Variants in REM1 observed in about 807,000 individuals in gnomAD.
REM1 encodes RRAD and GEM like GTPase 1.
In REM1, 20 loss-of-function variants were observed where a neutral mutation model predicts 27.0. The observed-to-expected ratio is 0.74, with a 90% CI of 0.52 to 1.08. The LOEUF (loss-of-function observed/expected upper bound fraction) is 1.08. REM1 is among the 50% of genes least tolerant of loss of function. The pLI, the probability that REM1 is intolerant of heterozygous loss-of-function variation, is 0.00. For missense variants in REM1, 405 were observed against 407.0 expected (o/e 1.00, Z 0.04); for synonymous variants, 159 against 167.9 (o/e 0.95, Z 0.41).
In REM1 at chr20:31,484,311, C is replaced by T. The variant is rs762832950; in HGVS notation, c.778C>T (p.Arg260Trp). The part of the protein sequence containing the change: ...SAAKEPPAPR[R>W]PASLAQRARR... ...GGCCAAGGAACCCCCAGCACCCCGACGGCCGGCCAGCCTAGCCCAGCGCGC... is the reference window on the plus strand; with the variant it reads ...GGCCAAGGAACCCCCAGCACCCCGATGGCCGGCCAGCCTAGCCCAGCGCGC... Residue 260 changes from arginine to tryptophan, a missense_variant, in exon 5 of 5, where the codon CGG becomes TGG. Physicochemically the swap from Arg to Trp is moderately radical, Grantham distance 101 (BLOSUM62 -3). Coordinates refer to ENST00000201979, the MANE Select transcript of REM1 (RefSeq NM_014012.6). 4.0e-5 allele frequency: 63 copies of T among 1,577,704 alleles called. No homozygotes were observed. The highest frequency in any genetic ancestry group is 5.2e-5 in the Non-Finnish European group (61 of 1,162,938).
intron 3 of REM1, among the ~76,000 whole-genome samples, chr20:31,479,294 C>T (rs1194423360): frequency 6.6e-6 from 1 of 152,168 alleles, no homozygotes; most frequent in Non-Finnish European, 1.5e-5. Context: ...TGGACCAGGA[C>T]CTTGGAGACA....
intron 3 of REM1, among the ~76,000 whole-genome samples, chr20:31,480,904 C>A (rs945139305): frequency 4.6e-5 from 7 of 152,166 alleles, no homozygotes; most frequent in Non-Finnish European, 1.0e-4. Context: ...AACTTACCCC[C>A]CTTTGACAAT....
chr20:31,483,843 C>T (rs1980816230), intron 4 of REM1, among the ~76,000 whole-genome samples: 1 of 151,880 alleles, frequency 6.6e-6, no homozygotes, highest in East Asian at 1.9e-4. Context: ...ATTTCCAGAC[C>T]TCAACCCAAA....
Position 31,482,461 on chromosome 20 carries a change from G to A in REM1, c.598G>A (p.Ala200Thr). 1 of 1,614,112 alleles carries A rather than the reference G, an allele frequency of 6.2e-7. No individual in the cohort carries two copies. Among genetic ancestry groups the A allele is most frequent in the South Asian group, 1.1e-5 (1 of 91,074 alleles). The change falls in exon 4 of 5, where the codon GCC (alanine) becomes ACC (threonine). Residue 200 changes from alanine (A) to threonine (T), a missense_variant. Coordinates refer to ENST00000201979, the MANE Select transcript of REM1 (RefSeq NM_014012.6). ...IILVGNKADL[A>T]RCREVSVEEG... The stretch of plus-strand genomic sequence containing the variant: ...CCTCGTGGGCAACAAGGCAGACTTG[G>A]CCCGCTGCCGAGAAGTCTCTGTGGA...
chr20:31,483,086 G>A (rs1377518769), intron 4 of REM1, among the ~76,000 whole-genome samples: 1 of 152,168 alleles, frequency 6.6e-6, no homozygotes, highest in Non-Finnish European at 1.5e-5. Flanking sequence ...GATCACTTGA[G>A]ATCAGGAGTT....
At position 31,476,656 on chromosome 20, in the gene REM1, A is replaced by T. The variant is rs776937944; in HGVS notation, c.211A>T (p.Ser71Cys). 5 of 1,612,980 alleles carry T rather than the reference A, an allele frequency of 3.1e-6. No individual in the cohort carries two copies. The Admixed American group carries it at 8.3e-5, about 27-fold the overall frequency. ...CCCAGATGATTGGTCTTCTGAATCCAGCGACTCTGAAGGCTCCTGGGAGGC... is the reference window on the plus strand; with the variant it reads ...CCCAGATGATTGGTCTTCTGAATCCTGCGACTCTGAAGGCTCCTGGGAGGC... Reference protein sequence around the residue: ...PAPDDWSSESSDSEGSWEALY... With the variant: ...PAPDDWSSESCDSEGSWEALY... Residue 71 changes from serine to cysteine, a missense_variant, in exon 2 of 5, where the codon AGC becomes TGC. By Grantham distance (112) the Ser-to-Cys change is moderately radical. Transcript: ENST00000201979.
chr20:31,482,709 C>T (rs770735214), intron 4 of REM1, among the ~76,000 whole-genome samples: 4 of 152,228 alleles, frequency 2.6e-5, no homozygotes, highest in Admixed American at 2.0e-4. Context: ...ACATTCCCTT[C>T]CCTCTCTGCC....
chr20:31,477,720 C>T (rs1007217644), intron 2 of REM1, 108 bp from the exon 3 acceptor site: 17 of 761,114 alleles, frequency 2.2e-5, no homozygotes, highest in East Asian at 5.4e-5. Context: ...TAAGCGTTTC[C>T]GAGGACAAGT....
At chr20:31,480,167 G>C (rs113802150) in intron 3 of REM1, among the ~76,000 whole-genome samples, 2,528 of 151,694 alleles carry the variant, frequency 0.017, 58 homozygotes, top group African/African-American at 0.058. Flanking sequence ...CTGGGCAACA[G>C]AGCAAGACTC....
At chr20:31,482,200 C>T (rs1980754196) in intron 3 of REM1, 87 bp from the exon 4 acceptor site, 2 of 1,238,800 alleles carry the variant, frequency 1.6e-6, no homozygotes, top group African/African-American at 3.0e-5. Context: ...CAAGCTGCAT[C>T]CCACCCATTA....
intron 2 of REM1, among the ~76,000 whole-genome samples, chr20:31,477,255 G>A (rs750269857): frequency 7.2e-5 from 11 of 152,060 alleles, no homozygotes; most frequent in Non-Finnish European, 1.3e-4. Context: ...CTGGGCCCTG[G>A]GTTGCTTTAT....
Position 31,476,435 on chromosome 20 carries a change from C to G in REM1, c.-11C>G, listed in dbSNP as rs958478616. ...GGAAAGAAGGAAGAAGCAAACCCCC[C>G]CCTACCAAAGATGACACTCAACACC... On this transcript the variant is annotated 5_prime_UTR_variant, in exon 2 of 5. Transcript: ENST00000201979. 1 of 1,546,706 alleles carries G rather than the reference C, an allele frequency of 6.5e-7. No homozygotes were observed.
intron 2 of REM1, among the ~76,000 whole-genome samples, chr20:31,477,463 G>T (rs928601078): frequency 6.6e-6 from 1 of 152,124 alleles, no homozygotes; most frequent in Non-Finnish European, 1.5e-5. Flanking sequence ...TTCTCTCTCC[G>T]AGTGAGAACA....
chr20:31,477,565 G>A (rs562671316), intron 2 of REM1, among the ~76,000 whole-genome samples: 3 of 152,266 alleles, frequency 2.0e-5, no homozygotes, highest in South Asian at 4.2e-4. Context: ...GCAGGCCTGG[G>A]AGAATTCCTA....
rs921359582 is a variant in REM1 at position 31,484,326 on chromosome 20, G to T, written c.793G>T (p.Ala265Ser). Residue 265 changes from alanine (A) to serine (S), a missense_variant, in exon 5 of 5, where the codon GCC (alanine) becomes TCC (serine). Ala to Ser is a moderately conservative substitution (Grantham distance 99). Transcript: ENST00000201979. Reference protein sequence around the residue: ...PPAPRRPASLAQRARRFLARL... With the variant: ...PPAPRRPASLSQRARRFLARL... ...AGCACCCCGACGGCCGGCCAGCCTA[G>T]CCCAGCGCGCTCGTCGCTTCCTGGC... 1.9e-6 allele frequency: 3 copies of T among 1,570,082 alleles called. No individual in the cohort carries two copies. The highest frequency in any genetic ancestry group is 2.6e-6 in the Non-Finnish European group (3 of 1,158,612).
chr20:31,477,775 C>A, intron 2 of REM1, 53 bp from the exon 3 acceptor site: 1 of 1,383,006 alleles, frequency 7.2e-7, no homozygotes, highest in Non-Finnish European at 1.0e-6. Context: ...GAACACCACA[C>A]TCTCTCAGGC....
intron 4 of REM1, 85 bp from the exon 5 acceptor site, chr20:31,484,074 A>G (rs1980824643): frequency 2.8e-6 from 4 of 1,407,370 alleles, no homozygotes; most frequent in South Asian, 1.5e-5. Context: ...ATTGCTTCCA[A>G]TCGAGACTAA....
intron 3 of REM1, among the ~76,000 whole-genome samples, chr20:31,480,236 TAC>T (rs1568762828): frequency 0.011 from 813 of 73,462 alleles, 1 homozygote; most frequent in Admixed American, 0.021. Flanking sequence ...GATAGACAGA[TAC>T]ATACATACAC....
chr20:31,481,803 C>T (rs957790155), intron 3 of REM1, among the ~76,000 whole-genome samples: 2 of 152,148 alleles, frequency 1.3e-5, no homozygotes, highest in Admixed American at 1.3e-4. Context: ...TGCTCCTTCA[C>T]CTCCATCTTC....
Sources: allele counts gnomAD v4.1 joint callset (sites outside exome capture counted in the v4.1 genomes callset), GRCh38; gene constraint gnomAD v4.1.1; transcripts MANE v1.5; gene names NCBI Gene and HGNC (gene_info 2026-07-23, HGNC 2026-07-21).